HABP2: variants seen among roughly 807,000 people sequenced by gnomAD.
HABP2 encodes the protein hyaluronan binding protein 2.
Under a neutral mutation model 66.5 loss-of-function variants are expected in HABP2, and 65 were observed. The ratio of observed to expected loss-of-function variants is 0.98; its 90% CI spans 0.80 to 1.20. The LOEUF (loss-of-function observed/expected upper bound fraction) is 1.20, where lower values mean the gene tolerates loss of function less well. HABP2 is among the 50% of genes most tolerant of loss of function. The probability of loss-of-function intolerance (pLI) is 0.00; values close to 1 mark genes in which losing one functional copy is unlikely to be tolerated. For synonymous variants in HABP2, 263 were observed against 253.9 expected, an observed-to-expected ratio of 1.04 and a Z score of -0.34; for missense variants, 786 against 691.0, an observed-to-expected ratio of 1.14 and a Z score of -1.54.
chr10:113,572,613 T>C, intron 2 of HABP2: 1 of 416,628 alleles, frequency 2.4e-6, no homozygotes, highest in South Asian at 1.8e-5. Flanking sequence ...CAGAAAAACA[T>C]TTTTTTCCTC....
Position 113,588,666 on chromosome 10 carries a change from GC to G in HABP2, c.*299del. ...TAGAAAATCAGTGTTCACAGAGACT[GC>G]CTCCACCACAGGCATCCTGCAAATG... On this transcript the variant is annotated 3_prime_UTR_variant, in exon 13 of 13. Transcript: ENST00000351270. 1.9e-6 allele frequency: 1 copy of G among 531,062 alleles called. No homozygotes were observed. The highest frequency in any genetic ancestry group is 3.3e-6 in the Non-Finnish European group (1 of 302,774). The allele number at this position is 531,062 out of a possible 1,614,324, so 32.9% of individuals were successfully genotyped here. A position where few individuals can be genotyped will look rare whatever the true frequency, so the allele number is the denominator to read the frequency against.
chr10:113,576,128 G>T, intron 4 of HABP2, 124 bp downstream of exon 4: 1 of 654,556 alleles, frequency 1.5e-6, no homozygotes. Context: ...ATCATGCATA[G>T]TGTATTCCTC....
chr10:113,581,358 G>A (rs11575768), intron 8 of HABP2, among the ~76,000 whole-genome samples: 8 of 152,122 alleles, frequency 5.3e-5, no homozygotes, highest in Admixed American at 1.3e-4. Context: ...ACAGGACAAG[G>A]CACCACCTAT....
At chr10:113,587,338 C>CA (rs59296183) in intron 12 of HABP2, among the ~76,000 whole-genome samples, 18,470 of 150,878 alleles carry the variant, frequency 0.12, 1,190 homozygotes, top group South Asian at 0.14. Context: ...AACAAACAAA[C>CA]AAAAAAAAAC....
chr10:113,561,893 A>C (rs563456456), intron 1 of HABP2, among the ~76,000 whole-genome samples: 150 of 152,276 alleles, frequency 9.9e-4, no homozygotes, highest in African/African-American at 3.5e-3. Context: ...TGTGCACCCC[A>C]CCCACAAGGA....
At chr10:113,579,412 C>T (rs1482876183) in intron 7 of HABP2, among the ~76,000 whole-genome samples, 4 of 152,190 alleles carry the variant, frequency 2.6e-5, no homozygotes, top group African/African-American at 9.6e-5. Flanking sequence ...TTTTCTCTAC[C>T]TCAACCTAGA....
intron 1 of HABP2, among the ~76,000 whole-genome samples, chr10:113,563,586 T>G (rs1159687416): frequency 1.3e-5 from 2 of 149,108 alleles, no homozygotes; most frequent in African/African-American, 2.5e-5. Context: ...GTCTCGGCTT[T>G]CTTTTTGTTT....
chr10:113,578,503 G>T, intron 6 of HABP2, 124 bp from the exon 7 acceptor site: 1 of 700,090 alleles, frequency 1.4e-6, no homozygotes. Flanking sequence ...AATTCGTGGT[G>T]AAATCTCAGG....
chr10:113,584,287 G>A lies in HABP2; in HGVS notation c.1372+5G>A, dbSNP rs903231575. 8 of 1,613,554 alleles carry A rather than the reference G, an allele frequency of 5.0e-6. No homozygotes were observed. The highest frequency in any genetic ancestry group is 6.8e-6 in the Non-Finnish European group (8 of 1,179,582). ...GCTGGGGTGTTACAGAAACAGGTGA[G>A]TCGGCCATGCACTCTCCCATGACTT... On this transcript the variant is annotated splice_donor_5th_base_variant and intron_variant, in intron 11 of 12. Coordinates refer to ENST00000351270, the MANE Select transcript of HABP2 (RefSeq NM_004132.5).
chr10:113,588,364 T>G lies in HABP2; in HGVS notation c.1678T>G (p.Phe560Val). ...AGCCACCATCAAAAGTGAAAGTGGC[T>G]TCTAAGGTACTGTCTTCTGGACCTC... Reference protein sequence around the residue: ...IKATIKSESGF With the variant: ...IKATIKSESGV Residue 560 changes from phenylalanine (F) to valine (V), a missense_variant, in exon 13 of 13, where the codon TTC (phenylalanine) becomes GTC (valine). Coordinates refer to ENST00000351270, the MANE Select transcript of HABP2 (RefSeq NM_004132.5). 3 of 1,611,668 alleles carry G rather than the reference T, an allele frequency of 1.9e-6. No homozygotes were observed. Among genetic ancestry groups the G allele is most frequent in the Non-Finnish European group, 2.5e-6 (3 of 1,178,704 alleles).
At chr10:113,563,210 G>A (rs1304389038) in intron 1 of HABP2, among the ~76,000 whole-genome samples, 1 of 152,122 alleles carries the variant, frequency 6.6e-6, no homozygotes, top group Non-Finnish European at 1.5e-5. Context: ...CTCTTTGAAT[G>A]TGCAAGTCTC....
chr10:113,571,443 A>G (rs1226947168), intron 2 of HABP2, among the ~76,000 whole-genome samples: 1 of 152,104 alleles, frequency 6.6e-6, no homozygotes, highest in African/African-American at 2.4e-5. Flanking sequence ...AGAGAACAAG[A>G]CTTCTTAAGG....
chr10:113,556,789 TTTGA>T, intron 1 of HABP2, among the ~76,000 whole-genome samples: 1 of 147,310 alleles, frequency 6.8e-6, no homozygotes, highest in South Asian at 2.2e-4. Flanking sequence ...TCTCTCTTTC[TTTGA>T]TTCTTTTATT....
intron 1 of HABP2, among the ~76,000 whole-genome samples, chr10:113,566,136 A>C (rs1053294651): frequency 1.3e-5 from 2 of 152,216 alleles, no homozygotes; most frequent in African/African-American, 4.8e-5. Context: ...GATGTATCTC[A>C]TTGATCTCAG....
chr10:113,559,451 A>G (rs918301203), intron 1 of HABP2, among the ~76,000 whole-genome samples: 13 of 152,162 alleles, frequency 8.5e-5, no homozygotes. Flanking sequence ...AGGCACAGAG[A>G]GACTCAACAA....
At chr10:113,586,478 G>T (rs56105209) in intron 12 of HABP2, among the ~76,000 whole-genome samples, 36,753 of 130,616 alleles carry the variant, frequency 0.28, 5,612 homozygotes, top group East Asian at 0.38. Flanking sequence ...GTGTGTGTGG[G>T]GGGGGGGGGG....
At chr10:113,564,676 G>A (rs1242322193) in intron 1 of HABP2, among the ~76,000 whole-genome samples, 1 of 152,110 alleles carries the variant, frequency 6.6e-6, no homozygotes, top group Non-Finnish European at 1.5e-5. Context: ...CAGAAAAGTG[G>A]GAAGAATAAT....
chr10:113,578,171 C>A, intron 6 of HABP2, 26 bp downstream of exon 6: 1 of 1,612,472 alleles, frequency 6.2e-7, no homozygotes, highest in Non-Finnish European at 8.5e-7. Flanking sequence ...ACCATCAGGG[C>A]CACAAGTGAG....
upstream of HABP2, among the ~76,000 whole-genome samples, chr10:113,552,207 A>G (rs11575620): frequency 5.3e-4 from 81 of 152,326 alleles, no homozygotes; most frequent in South Asian, 4.1e-3. Flanking sequence ...TGGCAGCAGC[A>G]TTTCAAAACC....
Sources: gnomAD v4.1 joint callset for allele counts (sites outside exome capture counted in the v4.1 genomes callset) on GRCh38, gnomAD v4.1.1 for gene constraint, MANE v1.5 for transcripts, NCBI Gene and HGNC (gene_info 2026-07-23, HGNC 2026-07-21) for gene names.